The following IMMP2L variants were observed in gnomAD, a reference collection of about 807,000 sequenced individuals.
The protein encoded by IMMP2L is mitochondrial inner membrane protease subunit 2.
Under a neutral mutation model 19.3 loss-of-function variants are expected in IMMP2L, and 18 were observed. The ratio of observed to expected loss-of-function variants is 0.93; its 90% CI spans 0.64 to 1.38. The LOEUF (loss-of-function observed/expected upper bound fraction) is 1.38, where lower values mean the gene tolerates loss of function less well. Ranked by LOEUF, IMMP2L falls within the 40% of genes most tolerant of loss-of-function variation. IMMP2L has a pLI of 0.00. For synonymous variants in IMMP2L, 76 were observed against 73.0 expected (o/e 1.04, Z -0.21); for missense variants, 233 against 218.2 (o/e 1.07, Z -0.43).
At chr7:111,015,978 C>T (rs567987549) in intron 3 of IMMP2L, among the ~76,000 whole-genome samples, 1 of 152,156 alleles carries the variant, frequency 6.6e-6, no homozygotes, top group African/African-American at 2.4e-5. Context: ...AGATCCAATG[C>T]ATTCAACTCC....
chr7:110,960,328 A>T (rs1818802948), intron 4 of IMMP2L, among the ~76,000 whole-genome samples: 1 of 151,872 alleles, frequency 6.6e-6, no homozygotes, highest in Admixed American at 6.6e-5. Flanking sequence ...CCCCCAACAC[A>T]ACAAAAACCT....
At chr7:111,130,850 A>T (rs1037552238) in intron 3 of IMMP2L, among the ~76,000 whole-genome samples, 2 of 152,082 alleles carry the variant, frequency 1.3e-5, no homozygotes, top group African/African-American at 2.4e-5. Flanking sequence ...TCTCTTTAAT[A>T]ATGGTTTCAG....
At chr7:111,087,670 G>C (rs1453020252) in intron 3 of IMMP2L, among the ~76,000 whole-genome samples, 2 of 152,036 alleles carry the variant, frequency 1.3e-5, no homozygotes, top group African/African-American at 4.8e-5. Context: ...CCCTCTAGGA[G>C]AATCTTATAT....
At chr7:110,893,430 T>G (rs79158520) in intron 4 of IMMP2L, among the ~76,000 whole-genome samples, 1 of 152,228 alleles carries the variant, frequency 6.6e-6, no homozygotes, top group African/African-American at 2.4e-5. Context: ...TCTAACGCTT[T>G]TGAGATCAGT....
intron 3 of IMMP2L, among the ~76,000 whole-genome samples, chr7:111,025,720 C>T (rs1461439295): frequency 6.6e-6 from 1 of 152,076 alleles, no homozygotes; most frequent in East Asian, 1.9e-4. Context: ...AGTGCTTAAG[C>T]CTAGTTGGGC....
At chr7:111,058,458 G>A (rs564580141) in intron 3 of IMMP2L, among the ~76,000 whole-genome samples, 2 of 152,176 alleles carry the variant, frequency 1.3e-5, no homozygotes, top group African/African-American at 4.8e-5. Flanking sequence ...CTTGGTGTTT[G>A]TAGGACACAG....
intron 3 of IMMP2L, among the ~76,000 whole-genome samples, chr7:111,236,527 C>G (rs1814332150): frequency 6.6e-6 from 1 of 152,158 alleles, no homozygotes; most frequent in East Asian, 1.9e-4. Flanking sequence ...ATTCTGAAAA[C>G]TATTCCCTGT....
intron 3 of IMMP2L, among the ~76,000 whole-genome samples, chr7:111,298,172 G>A (rs1412880552): frequency 6.6e-6 from 1 of 152,096 alleles, no homozygotes; most frequent in East Asian, 1.9e-4. Context: ...AAAGAACCAA[G>A]CAGGATTTAT....
At chr7:111,287,047 A>C (rs1056944866) in intron 3 of IMMP2L, among the ~76,000 whole-genome samples, 1 of 152,192 alleles carries the variant, frequency 6.6e-6, no homozygotes, top group African/African-American at 2.4e-5. Context: ...TGTTACTATG[A>C]ACCATAAAAT....
chr7:111,266,563 G>GGGATC (rs1463775483), intron 3 of IMMP2L, among the ~76,000 whole-genome samples: 1 of 140,994 alleles, frequency 7.1e-6, no homozygotes, highest in African/African-American at 2.6e-5. Context: ...AAAAAAAAAA[G>GGGATC]GGATCTAGGT....
intron 5 of IMMP2L, among the ~76,000 whole-genome samples, chr7:110,771,015 C>T (rs1356514656): frequency 6.6e-6 from 1 of 152,090 alleles, no homozygotes; most frequent in Non-Finnish European, 1.5e-5. Flanking sequence ...ATTCACCTGC[C>T]CAAGGCCTGG....
intron 4 of IMMP2L, among the ~76,000 whole-genome samples, chr7:110,902,690 C>T (rs1442597647): frequency 2.6e-5 from 1 of 37,788 alleles, no homozygotes; most frequent in African/African-American, 1.6e-4. Context: ...TTTGGGAGGC[C>T]GAGGCGGGCG....
At chr7:110,987,964 T>C (rs374111320) in intron 3 of IMMP2L, among the ~76,000 whole-genome samples, 2 of 152,322 alleles carry the variant, frequency 1.3e-5, no homozygotes, top group African/African-American at 4.8e-5. Context: ...AGCTTAGTTC[T>C]AGATCAGTGA....
chr7:110,946,139 A>C (rs1817226249), intron 4 of IMMP2L, among the ~76,000 whole-genome samples: 1 of 152,152 alleles, frequency 6.6e-6, no homozygotes, highest in Non-Finnish European at 1.5e-5. Flanking sequence ...GCCTGTTAAA[A>C]CCTAGATTTC....
At chr7:110,671,068 C>A (rs1446319512) in intron 5 of IMMP2L, among the ~76,000 whole-genome samples, 1 of 152,178 alleles carries the variant, frequency 6.6e-6, no homozygotes, top group Admixed American at 6.5e-5. Context: ...AACCCTGCAA[C>A]CTTGAGCAGA....
chr7:111,238,000 T>A (rs1301465079), intron 3 of IMMP2L, among the ~76,000 whole-genome samples: 1 of 152,096 alleles, frequency 6.6e-6, no homozygotes, highest in Non-Finnish European at 1.5e-5. Context: ...TATTATTTTA[T>A]TAAGTTTAAT....
chr7:110,863,147 G>C (rs551401421), intron 5 of IMMP2L, among the ~76,000 whole-genome samples: 1 of 152,202 alleles, frequency 6.6e-6, no homozygotes, highest in Admixed American at 6.5e-5. Context: ...TGCAAGCAGG[G>C]TAACATTTCA....
chr7:111,249,092 G>A (rs1246859100), intron 3 of IMMP2L, among the ~76,000 whole-genome samples: 2 of 62,702 alleles, frequency 3.2e-5, no homozygotes, highest in Non-Finnish European at 3.0e-5. Flanking sequence ...AAGCAAGCCT[G>A]GGCAATGGCG....
chr7:111,307,021 A>G (rs1822954244), intron 3 of IMMP2L, among the ~76,000 whole-genome samples: 1 of 148,980 alleles, frequency 6.7e-6, no homozygotes, highest in Admixed American at 6.7e-5. Context: ...TTCTATATAT[A>G]TTTTTCTATC....
Sources: allele counts gnomAD v4.1 joint callset (sites outside exome capture counted in the v4.1 genomes callset), GRCh38; gene constraint gnomAD v4.1.1; transcripts MANE v1.5; gene names NCBI Gene and HGNC (gene_info 2026-07-23, HGNC 2026-07-21).